GRID2: variants seen among roughly 807,000 people sequenced by gnomAD.
The protein encoded by GRID2 is glutamate receptor ionotropic, delta-2.
Under a neutral mutation model 114.8 loss-of-function variants are expected in GRID2, and 33 were observed. That is an observed-to-expected ratio of 0.29 (90% CI 0.22 to 0.38). GRID2 has a LOEUF of 0.38. Among genes scored for constraint, GRID2 ranks in the 10% least tolerant of loss-of-function variants. The probability of loss-of-function intolerance (pLI) is 1.00; values close to 1 mark genes in which losing one functional copy is unlikely to be tolerated. For missense variants in GRID2, 1,184 were observed against 1,257.7 expected (o/e 0.94, Z 0.89); for synonymous variants, 505 against 449.9 (o/e 1.12, Z -1.55).
chr4:92,827,771 T>G (rs548794220), intron 2 of GRID2, among the ~76,000 whole-genome samples: 3 of 152,140 alleles, frequency 2.0e-5, no homozygotes, highest in African/African-American at 7.2e-5. Context: ...ATAAGCACTT[T>G]CCTTTTAGCT....
intron 2 of GRID2, among the ~76,000 whole-genome samples, chr4:92,968,226 A>G (rs1753278753): frequency 6.6e-6 from 1 of 151,908 alleles, no homozygotes; most frequent in Non-Finnish European, 1.5e-5. Context: ...CACAACCTCT[A>G]AGGTAGATAC....
chr4:92,682,971 T>C (rs1733719614), intron 2 of GRID2, among the ~76,000 whole-genome samples: 1 of 152,136 alleles, frequency 6.6e-6, no homozygotes, highest in Admixed American at 6.6e-5. Context: ...ATTGGTTCTG[T>C]TACATTCTCC....
intron 2 of GRID2, among the ~76,000 whole-genome samples, chr4:93,049,997 G>A (rs911521565): frequency 3.3e-5 from 5 of 152,008 alleles, no homozygotes; most frequent in African/African-American, 1.2e-4. Flanking sequence ...ATATTAAAGA[G>A]CATTCTTCCT....
intron 13 of GRID2, among the ~76,000 whole-genome samples, chr4:93,617,105 C>T (rs1002338079): frequency 6.6e-6 from 1 of 152,028 alleles, no homozygotes; most frequent in Non-Finnish European, 1.5e-5. Context: ...TGACACAAAA[C>T]TTTACTGCAG....
intron 4 of GRID2, among the ~76,000 whole-genome samples, chr4:93,171,163 T>G (rs1240795330): frequency 3.3e-5 from 5 of 152,240 alleles, no homozygotes; most frequent in Admixed American, 3.3e-4. Context: ...TTACCTACTT[T>G]CAACCCATTA....
intron 1 of GRID2, among the ~76,000 whole-genome samples, chr4:92,423,997 T>C (rs1732030485): frequency 6.6e-6 from 1 of 152,102 alleles, no homozygotes; most frequent in African/African-American, 2.4e-5. Context: ...GCTCTTCAAG[T>C]AGTGTTAAAC....
chr4:92,389,375 A>G (rs531877667), intron 1 of GRID2, among the ~76,000 whole-genome samples: 1 of 152,174 alleles, frequency 6.6e-6, no homozygotes, highest in Admixed American at 6.6e-5. Context: ...ATAGAAAATC[A>G]GTGACTCTGA....
intron 1 of GRID2, among the ~76,000 whole-genome samples, chr4:92,530,462 G>C (rs942015615): frequency 4.2e-5 from 6 of 142,144 alleles, no homozygotes; most frequent in African/African-American, 1.7e-4. Flanking sequence ...AGTGAGAATA[G>C]TGGAAAAAGT....
chr4:93,244,513 CTATTAATTAATAGATTATATAAT>C (rs1747937364), intron 8 of GRID2, among the ~76,000 whole-genome samples: 2 of 28,994 alleles, frequency 6.9e-5, no homozygotes, highest in South Asian at 1.7e-3. Context: ...ATTATATAAT[CTATTAATTAATAGATTATATAAT>C]CTATTAATTA....
At chr4:93,673,570 T>G (rs920626301) in intron 14 of GRID2, among the ~76,000 whole-genome samples, 1 of 152,206 alleles carries the variant, frequency 6.6e-6, no homozygotes, top group Non-Finnish European at 1.5e-5. Context: ...AAGACATTAT[T>G]TTTCTTTTAT....
At chr4:93,522,414 A>G (rs1222298427) in intron 13 of GRID2, among the ~76,000 whole-genome samples, 2 of 152,180 alleles carry the variant, frequency 1.3e-5, no homozygotes, top group African/African-American at 4.8e-5. Flanking sequence ...AATTGGGACC[A>G]GTCAGCATGA....
At chr4:93,443,042 T>C (rs1347859783) in intron 10 of GRID2, among the ~76,000 whole-genome samples, 1 of 151,998 alleles carries the variant, frequency 6.6e-6, no homozygotes, top group Non-Finnish European at 1.5e-5. Flanking sequence ...ACCATAAATA[T>C]AAATACGATC....
intron 1 of GRID2, among the ~76,000 whole-genome samples, chr4:92,343,128 A>G (rs1018956667): frequency 1.3e-5 from 2 of 151,972 alleles, no homozygotes; most frequent in African/African-American, 2.4e-5. Context: ...TATATTCTCA[A>G]TATTTCTCTC....
intron 2 of GRID2, among the ~76,000 whole-genome samples, chr4:92,994,575 C>G (rs573913375): frequency 1.1e-4 from 17 of 152,042 alleles, no homozygotes; most frequent in African/African-American, 3.6e-4. Flanking sequence ...CTGCCTGCCT[C>G]GGCCTCCCAA....
At chr4:93,599,677 C>G (rs892127546) in intron 13 of GRID2, among the ~76,000 whole-genome samples, 2 of 152,118 alleles carry the variant, frequency 1.3e-5, no homozygotes, top group African/African-American at 2.4e-5. Flanking sequence ...CTAACCCTTT[C>G]ACAAAAGCAG....
intron 13 of GRID2, among the ~76,000 whole-genome samples, chr4:93,563,854 T>A (rs557813620): frequency 6.6e-6 from 1 of 152,160 alleles, no homozygotes; most frequent in East Asian, 1.9e-4. Context: ...TCACATTTAC[T>A]ATTTATTGTA....
chr4:93,104,622 A>G (rs1056856049), intron 3 of GRID2, among the ~76,000 whole-genome samples: 7 of 152,146 alleles, frequency 4.6e-5, no homozygotes, highest in Non-Finnish European at 1.0e-4. Flanking sequence ...CCATGTCCCT[A>G]CAGAGGACAT....
rs539668472 is a variant in GRID2 at position 92,333,372 on chromosome 4, G to T, written c.88+28628G>T. Among the ~76,000 whole-genome samples, 21 of 152,286 alleles carry T rather than the reference G, an allele frequency of 1.4e-4. 1 individual carries two copies. The highest frequency in any genetic ancestry group is 1.1e-3 in the Admixed American group (17 of 15,302). ...GGCAGTGAATGCTGAGGCCCCACAG[G>T]TGCCTTTCTGGAAACTTTGTCCTCA... On this transcript the variant is annotated intron_variant, in intron 1 of 15. Transcript: ENST00000282020.
intron 2 of GRID2, among the ~76,000 whole-genome samples, chr4:92,989,736 T>A (rs1041310057): frequency 3.3e-5 from 5 of 152,142 alleles, no homozygotes; most frequent in Non-Finnish European, 7.4e-5. Context: ...AATATTAACC[T>A]GTTAACAATT....
Sources: allele counts gnomAD v4.1 joint callset (sites outside exome capture counted in the v4.1 genomes callset), GRCh38; gene constraint gnomAD v4.1.1; transcripts MANE v1.5; gene names NCBI Gene and HGNC (gene_info 2026-07-23, HGNC 2026-07-21).